The following TMEM215 variants were observed in gnomAD, a reference collection of about 807,000 sequenced individuals.
TMEM215 encodes transmembrane protein 215.
A neutral mutation model predicts 14.7 loss-of-function variants in TMEM215; 12 were observed. The observed-to-expected ratio is 0.82, with a 90% CI of 0.52 to 1.33. The LOEUF is 1.33. TMEM215 is among the 40% of genes most tolerant of loss of function. The pLI is 0.00. For synonymous variants in TMEM215, 122 were observed against 124.8 expected (o/e 0.98, Z 0.15); for missense variants, 276 against 296.2 (o/e 0.93, Z 0.50).
rs1232586567 is a variant in TMEM215 at position 32,786,491 on chromosome 9, C to A, written c.*1600C>A. On this transcript the variant is annotated 3_prime_UTR_variant, in exon 2 of 2. Coordinates refer to ENST00000342743, the MANE Select transcript of TMEM215 (RefSeq NM_212558.3). The stretch of plus-strand genomic sequence containing the variant: ...AAATATCAGAAATGAGATGCATGAT[C>A]TTGGGCAAATTTTATCTTCTTACAC... The A allele has an allele frequency of 1.8e-5, 3 of 166,868 alleles. No individual in the cohort carries two copies. Among genetic ancestry groups the A allele is most frequent in the Non-Finnish European group, 2.9e-5 (2 of 68,042 alleles). The allele number at this position is 166,868 out of a possible 1,614,324, so 10.3% of individuals were successfully genotyped here.
At chr9:32,783,869 G>C (rs1824468498) in intron 1 of TMEM215, 64 bp downstream of exon 1, 1 of 327,170 alleles carries the variant, frequency 3.1e-6, no homozygotes, top group African/African-American at 2.1e-5. Flanking sequence ...GCAATAGTGA[G>C]AGGAAGAGAG....
chr9:32,785,021 C>CTCTGGTACCCGAGAG lies in TMEM215; in HGVS notation c.*133_*147dup. 1.4e-6 allele frequency: 1 copy of CTCTGGTACCCGAGAG among 740,134 alleles called. No homozygotes were observed. 45.8% of individuals were successfully genotyped at this position (740,134 alleles called of 1,614,324 possible). On this transcript the variant is annotated 3_prime_UTR_variant, in exon 2 of 2. Transcript: ENST00000342743. ...CCTGGTATGTGATGGGTGTGATAAC[C>CTCTGGTACCCGAGAG]TCTGGTACCCGAGAGTCATGTAAAT...
At position 32,788,903 on chromosome 9, in the gene TMEM215, C is replaced by G. The variant is rs949847950; in HGVS notation, c.*4012C>G. On this transcript the variant is annotated 3_prime_UTR_variant, in exon 2 of 2. Transcript: ENST00000342743. ...CAGTGGTGTCAGTCTTCAAGAGCAT[C>G]GTGTTCAACAAGCAAAATGATAAAT... Among the ~76,000 whole-genome samples the G allele has an allele frequency of 6.6e-6, 1 of 152,116 alleles. No homozygotes were observed. The highest frequency in any genetic ancestry group is 1.5e-5 in the Non-Finnish European group (1 of 68,032).
rs1218417487 is a variant in TMEM215, at chr9:32,784,633, C to T, written c.450C>T (p.Val150=). 1 of 1,613,756 alleles carries T rather than the reference C, an allele frequency of 6.2e-7. No individual in the cohort carries two copies. Among genetic ancestry groups the T allele is most frequent in the Admixed American group, 1.7e-5 (1 of 59,986 alleles). ...AGGAAGGAGAATGCCAGAGCCTCGT[C>T]CAGAATGGGCATCAGGAGGAGACGT... is the stretch of plus-strand genomic sequence containing the variant. ...PTEEGECQSL[V]QNGHQEETSR... The change falls in exon 2 of 2, where the codon GTC becomes GTT. Residue 150 remains valine, a synonymous_variant. Coordinates refer to ENST00000342743, the MANE Select transcript of TMEM215 (RefSeq NM_212558.3).
Position 32,787,294 on chromosome 9 carries a change from C to G in TMEM215, c.*2403C>G, listed in dbSNP as rs1824517224. ...TTTCAAGTTCTACTTCAGAAGAAAA[C>G]CTATTTCATGTTTCTTCTCCCATTA... is the stretch of plus-strand genomic sequence containing the variant. On this transcript the variant is annotated 3_prime_UTR_variant, in exon 2 of 2. Transcript: ENST00000342743. 1 of 166,772 alleles carries G rather than the reference C, an allele frequency of 6.0e-6. No homozygotes were observed. The highest frequency in any genetic ancestry group is 1.5e-5 in the Non-Finnish European group (1 of 67,996). The allele number at this position is 166,772 out of a possible 1,614,324, so 10.3% of individuals were successfully genotyped here.
Position 32,784,673 on chromosome 9 carries a change from G to C in TMEM215, c.490G>C (p.Gly164Arg), listed in dbSNP as rs1215354340. ...GGAGGAGACGTCCAGATACCTGGAC[G>C]GCTACTGCCCCTCGGGCAGTTCCCT... ...HQEETSRYLDGYCPSGSSLTY... is the reference protein window; with the variant it reads ...HQEETSRYLDRYCPSGSSLTY... Residue 164 changes from glycine (G) to arginine (R), a missense_variant, in exon 2 of 2, where the codon GGC (glycine) becomes CGC (arginine). Coordinates refer to ENST00000342743, the MANE Select transcript of TMEM215 (RefSeq NM_212558.3). 4 of 1,613,930 alleles carry C rather than the reference G, an allele frequency of 2.5e-6. No homozygotes were observed. In the Admixed American group the frequency reaches 6.7e-5, roughly 27 times the overall value.
At position 32,785,400 on chromosome 9, in the gene TMEM215, A is replaced by G. The variant is rs1587095960; in HGVS notation, c.*509A>G. ...TGCTGAAAGAAAAAAAAATCAAGAT[A>G]CAAGAGTTAAACCCTCCTTAGATGG... On this transcript the variant is annotated 3_prime_UTR_variant, in exon 2 of 2. Transcript: ENST00000342743. The G allele has an allele frequency of 5.9e-6, 1 of 169,216 alleles. No homozygotes were observed. The highest frequency in any genetic ancestry group is 1.4e-5 in the Non-Finnish European group (1 of 69,628). The allele number at this position is 169,216 out of a possible 1,614,324, so 10.5% of individuals were successfully genotyped here.
chr9:32,784,867 G>A lies in TMEM215; in HGVS notation c.684G>A (p.Arg228=), dbSNP rs760487221. The part of the protein sequence containing the change: ...YCCYINQIQG[R]WDHETIV ...GTTATATCAATCAGATACAAGGCAG[G>A]TGGGACCACGAGACCATCGTCTAAT... Residue 228 remains arginine (R), a synonymous_variant, in exon 2 of 2, where the codon AGG becomes AGA. Coordinates refer to ENST00000342743, the MANE Select transcript of TMEM215 (RefSeq NM_212558.3). 1.9e-6 allele frequency: 3 copies of A among 1,612,804 alleles called. No individual in the cohort carries two copies. The highest frequency in any genetic ancestry group is 3.3e-5 in the Admixed American group (2 of 60,016).
At position 32,784,975 on chromosome 9, in the gene TMEM215, C is replaced by A; in HGVS notation, c.*84C>A. On this transcript the variant is annotated 3_prime_UTR_variant, in exon 2 of 2. Transcript: ENST00000342743. ...AAGCAAATTGCTCTGCTTGGAGAGC[C>A]TTCACACTGTTAGAAATTGACCTGG... 1 of 1,147,188 alleles carries A rather than the reference C, an allele frequency of 8.7e-7. No homozygotes were observed. 71.1% of individuals were successfully genotyped at this position (1,147,188 alleles called of 1,614,324 possible). A position where few individuals can be genotyped will look rare whatever the true frequency, so the allele number is the denominator to read the frequency against.
chr9:32,784,211 A>G lies in TMEM215; in HGVS notation c.28A>G (p.Thr10Ala). The change falls in exon 2 of 2, where the codon ACT becomes GCT. Residue 10 changes from threonine (T) to alanine (A), a missense_variant. Coordinates refer to ENST00000342743, the MANE Select transcript of TMEM215 (RefSeq NM_212558.3). Reference protein sequence around the residue: MRPDDINPRTGLVVALVSVF... With the variant: MRPDDINPRAGLVVALVSVF... ...GCGGCCTGATGACATTAACCCGAGG[A>G]CTGGGCTGGTGGTGGCCCTGGTCAG... 1 of 1,613,922 alleles carries G rather than the reference A, an allele frequency of 6.2e-7. No individual in the cohort carries two copies.
Position 32,784,475 on chromosome 9 carries a change from C to T in TMEM215, c.292C>T (p.Pro98Ser). 1.2e-6 allele frequency: 2 copies of T among 1,614,102 alleles called. No individual in the cohort carries two copies. Among genetic ancestry groups the T allele is most frequent in the South Asian group, 1.1e-5 (1 of 91,088 alleles). ...DKEVVELLRT[P>S]SDLESGKGSS... ...GGAGGTGGTAGAGCTGCTGAGGACC[C>T]CTTCAGACCTAGAATCCGGCAAGGG... The change falls in exon 2 of 2, where the codon CCT becomes TCT. Residue 98 changes from proline (P) to serine (S), a missense_variant. By Grantham distance (74) the Pro-to-Ser change is moderately conservative. Transcript: ENST00000342743.
In TMEM215 at chr9:32,786,749, A is replaced by G. The variant is rs964854509; in HGVS notation, c.*1858A>G. ...TTTTGTAGATGTATGAAAGCAGATT[A>G]TTCAACACAATGCATTCCTGAGAAT... On this transcript the variant is annotated 3_prime_UTR_variant, in exon 2 of 2. Transcript: ENST00000342743. 3.0e-5 allele frequency: 5 copies of G among 167,022 alleles called. No homozygotes were observed. Among genetic ancestry groups the G allele is most frequent in the Non-Finnish European group, 7.3e-5 (5 of 68,046 alleles). 10.3% of individuals were successfully genotyped at this position (167,022 alleles called of 1,614,324 possible). A position where few individuals can be genotyped will look rare whatever the true frequency, so the allele number is the denominator to read the frequency against.
Position 32,787,438 on chromosome 9 carries a change from T to C in TMEM215, c.*2547T>C, listed in dbSNP as rs1824518479. On this transcript the variant is annotated 3_prime_UTR_variant, in exon 2 of 2. Coordinates refer to ENST00000342743, the MANE Select transcript of TMEM215 (RefSeq NM_212558.3). Reference sequence around the variant, plus strand: ...TTAACTTTGACCAGTGAGAATAAAATGTATGATTGTGTGTGTGAATTTCTC... The same window carrying C: ...TTAACTTTGACCAGTGAGAATAAAACGTATGATTGTGTGTGTGAATTTCTC... 1 of 166,948 alleles carries C rather than the reference T, an allele frequency of 6.0e-6. No homozygotes were observed. Among genetic ancestry groups the C allele is most frequent in the Admixed American group, 6.5e-5 (1 of 15,280 alleles). 10.3% of individuals were successfully genotyped at this position (166,948 alleles called of 1,614,324 possible).
Position 32,784,144 on chromosome 9 carries a change from C to G in TMEM215, c.-40C>G, listed in dbSNP as rs1269508208. On this transcript the variant is annotated 5_prime_UTR_variant, in exon 2 of 2. Transcript: ENST00000342743. ...CTGACAGAATAGAGGAACGCTGCTC[C>G]CTGGTCAGCAAGCAGCCCCCAACCT... The G allele has an allele frequency of 6.4e-7, 1 of 1,562,908 alleles. No individual in the cohort carries two copies. Among genetic ancestry groups the G allele is most frequent in the East Asian group, 2.2e-5 (1 of 44,490 alleles).
rs1587096146 is a variant in TMEM215, at chr9:32,785,925, T to C, written c.*1034T>C. On this transcript the variant is annotated 3_prime_UTR_variant, in exon 2 of 2. Transcript: ENST00000342743. ...TATTTGTACATTTGTTCAACTCCTC[T>C]CACAGACTGTAAATGCCAGTGAAAC... is the stretch of plus-strand genomic sequence containing the variant. 2 of 167,124 alleles carry C rather than the reference T, an allele frequency of 1.2e-5. No individual in the cohort carries two copies. The highest frequency in any genetic ancestry group is 1.3e-4 in the Admixed American group (2 of 15,306). The allele number at this position is 167,124 out of a possible 1,614,324, so 10.4% of individuals were successfully genotyped here.
At position 32,784,246 on chromosome 9, in the gene TMEM215, C is replaced by T. The variant is rs139494754; in HGVS notation, c.63C>T (p.Leu21=). Residue 21 remains leucine, a synonymous_variant, in exon 2 of 2, where the codon CTC becomes CTT. Transcript: ENST00000342743. ...GLVVALVSVF[L]VFGFMFTVSG... ...TGGTGGCCCTGGTCAGTGTCTTCCT[C>T]GTCTTTGGTTTCATGTTCACCGTCT... is the stretch of plus-strand genomic sequence containing the variant. 6.2e-7 allele frequency: 1 copy of T among 1,614,170 alleles called. No individual in the cohort carries two copies. Among genetic ancestry groups the T allele is most frequent in the South Asian group, 1.1e-5 (1 of 91,076 alleles).
At position 32,784,148 on chromosome 9, in the gene TMEM215, G is replaced by T. The variant is rs749042857; in HGVS notation, c.-36G>T. 17 of 1,571,022 alleles carry T rather than the reference G, an allele frequency of 1.1e-5. No individual in the cohort carries two copies. The East Asian group carries it at 3.6e-4, about 33-fold the overall frequency. Reference sequence around the variant, plus strand: ...CAGAATAGAGGAACGCTGCTCCCTGGTCAGCAAGCAGCCCCCAACCTGGAT... The same window carrying T: ...CAGAATAGAGGAACGCTGCTCCCTGTTCAGCAAGCAGCCCCCAACCTGGAT... On this transcript the variant is annotated 5_prime_UTR_variant, in exon 2 of 2. Coordinates refer to ENST00000342743, the MANE Select transcript of TMEM215 (RefSeq NM_212558.3).
In TMEM215 at chr9:32,784,179, G is replaced by A. The variant is rs374460323; in HGVS notation, c.-5G>A. 2.5e-6 allele frequency: 4 copies of A among 1,607,686 alleles called. No individual in the cohort carries two copies. The highest frequency in any genetic ancestry group is 2.7e-5 in the African/African-American group (2 of 74,830). ...AAGCAGCCCCCAACCTGGATGGAGT[G>A]AAACATGCGGCCTGATGACATTAAC... is the stretch of plus-strand genomic sequence containing the variant. On this transcript the variant is annotated 5_prime_UTR_variant, in exon 2 of 2. The change abolishes the stop of an existing upstream ORF in the 5' untranslated region. Coordinates refer to ENST00000342743, the MANE Select transcript of TMEM215 (RefSeq NM_212558.3).
chr9:32,789,099 CTG>C lies in TMEM215; in HGVS notation c.*4212_*4213del, dbSNP rs1299889909. 6.6e-6 allele frequency among the ~76,000 whole-genome samples: 1 copy of C among 152,166 alleles called. No homozygotes were observed. Among genetic ancestry groups the C allele is most frequent in the East Asian group, 1.9e-4 (1 of 5,204 alleles). On this transcript the variant is annotated 3_prime_UTR_variant, in exon 2 of 2. Transcript: ENST00000342743. ...CTGATAGACTCTGCCCTTGAGTTTT[CTG>C]TGTTTCAGTTTCCTACTGGGAAAAA... is the stretch of plus-strand genomic sequence containing the variant.
Sources: allele counts gnomAD v4.1 joint callset (sites outside exome capture counted in the v4.1 genomes callset), GRCh38; gene constraint gnomAD v4.1.1; transcripts MANE v1.5; gene names NCBI Gene and HGNC (gene_info 2026-07-23, HGNC 2026-07-21).